The following CTXND2 variants were observed in gnomAD, a reference collection of about 807,000 sequenced individuals.
The protein encoded by CTXND2 is cortexin domain containing 2.
At chr1:150,894,151 T>C (rs1250278569) in intron 1 of CTXND2, among the ~76,000 whole-genome samples, 1 of 152,132 alleles carries the variant, frequency 6.6e-6, no homozygotes, top group African/African-American at 2.4e-5. Context: ...TAAATGTCAC[T>C]TACAGGTTTT....
chr1:150,890,609 T>G (rs1372225581), intron 1 of CTXND2, among the ~76,000 whole-genome samples: 1 of 152,132 alleles, frequency 6.6e-6, no homozygotes, highest in Admixed American at 6.5e-5. Flanking sequence ...GTTCAAGCGA[T>G]TATCCTGCCT....
At chr1:150,891,718 T>C (rs1668854078) in intron 1 of CTXND2, among the ~76,000 whole-genome samples, 1 of 152,162 alleles carries the variant, frequency 6.6e-6, no homozygotes, top group Non-Finnish European at 1.5e-5. Flanking sequence ...TTCTCAAACA[T>C]ACTATATTGT....
rs753563051 is a variant in CTXND2 at position 150,894,782 on chromosome 1, TC to T, written c.-74+7472del. Among the ~76,000 whole-genome samples the T allele has an allele frequency of 3.9e-5, 6 of 152,152 alleles. No homozygotes were observed. The East Asian group carries it at 5.8e-4, about 15-fold the overall frequency. On this transcript the variant is annotated intron_variant, in intron 1 of 1. Coordinates refer to ENST00000636087, the Ensembl canonical transcript of CTXND2. ...CAGGCACAGTGGTTCATGCCTGTAA[TC>T]CCAGCATTTTGGGAGACTGAGGCGG...
intron 1 of CTXND2, among the ~76,000 whole-genome samples, chr1:150,909,872 G>C (rs1669218458): frequency 6.6e-6 from 1 of 152,142 alleles, no homozygotes; most frequent in African/African-American, 2.4e-5. Context: ...AAAATTAGAG[G>C]TTTATATAGC....
intron 1 of CTXND2, among the ~76,000 whole-genome samples, chr1:150,893,763 C>T (rs965927475): frequency 5.3e-5 from 8 of 152,020 alleles, no homozygotes; most frequent in Non-Finnish European, 1.0e-4. Context: ...CCAGCCTATA[C>T]ATTTTTTATG....
intron 1 of CTXND2, among the ~76,000 whole-genome samples, chr1:150,906,215 CTT>C: frequency 6.6e-6 from 1 of 152,140 alleles, no homozygotes; most frequent in African/African-American, 2.4e-5. Context: ...AGGAGGATCA[CTT>C]GAGCCCAGGA....
chr1:150,902,523 G>A (rs1307701153), intron 1 of CTXND2, among the ~76,000 whole-genome samples: 3 of 152,044 alleles, frequency 2.0e-5, no homozygotes, highest in Non-Finnish European at 4.4e-5. Context: ...AACCAAGATC[G>A]TGCCACTGCA....
At chr1:150,893,521 C>T (rs935463255) in intron 1 of CTXND2, among the ~76,000 whole-genome samples, 1 of 152,132 alleles carries the variant, frequency 6.6e-6, no homozygotes, top group African/African-American at 2.4e-5. Flanking sequence ...GACAGTGATG[C>T]TATCATGGTT....
chr1:150,896,141 T>C (rs1668911606), intron 1 of CTXND2, among the ~76,000 whole-genome samples: 2 of 152,252 alleles, frequency 1.3e-5, no homozygotes, highest in Middle Eastern at 3.4e-3. Flanking sequence ...GGAGAGATGA[T>C]AGGTAGGGGG....
intron 1 of CTXND2, among the ~76,000 whole-genome samples, chr1:150,891,820 CTCAAT>C (rs1342101032): frequency 6.6e-6 from 1 of 152,138 alleles, no homozygotes; most frequent in Non-Finnish European, 1.5e-5. Flanking sequence ...ATTCTTAGCC[CTCAAT>C]TCAATTCATG....
chr1:150,903,480 AAAAAT>A (rs938713791), intron 1 of CTXND2, among the ~76,000 whole-genome samples: 19 of 152,016 alleles, frequency 1.2e-4, no homozygotes, highest in Admixed American at 1.2e-3. Context: ...TATGAGATGA[AAAAAT>A]AAAATAAAAT....
At chr1:150,903,800 CAAA>C (rs752462474) in intron 1 of CTXND2, 149 of 332,840 alleles carry the variant, frequency 4.5e-4, no homozygotes, top group South Asian at 6.1e-4. Context: ...AACTCCGTCT[CAAA>C]AAAAAAAAAA....
intron 1 of CTXND2, among the ~76,000 whole-genome samples, chr1:150,894,847 C>A (rs962030490): frequency 6.6e-6 from 1 of 151,950 alleles, no homozygotes; most frequent in Non-Finnish European, 1.5e-5. Flanking sequence ...ACCAGCCTGG[C>A]CAACATGGTG....
chr1:150,893,501 C>A (rs1171694443), intron 1 of CTXND2, among the ~76,000 whole-genome samples: 1 of 152,118 alleles, frequency 6.6e-6, no homozygotes, highest in Non-Finnish European at 1.5e-5. Context: ...CTCTGTCACC[C>A]AGGCTGGAAG....
At chr1:150,912,628 C>T in exon 2 of CTXND2, 1 of 396,510 alleles carries the variant, frequency 2.5e-6, no homozygotes. Context: ...TGTATTGTTC[C>T]TGTTCAGGGA....
intron 1 of CTXND2, among the ~76,000 whole-genome samples, chr1:150,910,956 C>G (rs187970771): frequency 6.6e-6 from 1 of 152,092 alleles, no homozygotes; most frequent in Non-Finnish European, 1.5e-5. Context: ...AGGTGCCCAC[C>G]ACCACGCCCA....
intron 1 of CTXND2, among the ~76,000 whole-genome samples, chr1:150,901,887 C>T (rs1489781158): frequency 4.7e-5 from 3 of 63,486 alleles, no homozygotes; most frequent in African/African-American, 9.5e-5. Flanking sequence ...TACTGCACTC[C>T]AGCACTCCAG....
chr1:150,888,842 G>A (rs992556641), intron 1 of CTXND2, among the ~76,000 whole-genome samples: 4 of 151,676 alleles, frequency 2.6e-5, no homozygotes, highest in Non-Finnish European at 5.9e-5. Flanking sequence ...CTATAGGTGC[G>A]TGCCACCACG....
Position 150,894,897 on chromosome 1 carries a change from T to A in CTXND2, c.-74+7584T>A, listed in dbSNP as rs903160430. Reference sequence around the variant, plus strand: ...CTAAAAATAAAAAATTAGCCGGATGTGGTGGCGCGTGCCTGTAGTCTCAGC... The same window carrying A: ...CTAAAAATAAAAAATTAGCCGGATGAGGTGGCGCGTGCCTGTAGTCTCAGC... On this transcript the variant is annotated intron_variant, in intron 1 of 1. Transcript: ENST00000636087. Among the ~76,000 whole-genome samples the A allele has an allele frequency of 6.4e-4, 97 of 152,134 alleles. 1 individual carries two copies. The highest frequency in any genetic ancestry group is 2.3e-3 in the African/African-American group (94 of 41,498).
Sources: gnomAD v4.1 joint callset for allele counts (sites outside exome capture counted in the v4.1 genomes callset) on GRCh38, gnomAD v4.1.1 for gene constraint, MANE v1.5 for transcripts, NCBI Gene and HGNC (gene_info 2026-07-23, HGNC 2026-07-21) for gene names.